The following MKLN1 variants were observed in gnomAD, a reference collection of about 807,000 sequenced individuals.
MKLN1 encodes muskelin 1.
Under a neutral mutation model 99.0 loss-of-function variants are expected in MKLN1, and 18 were observed. The observed-to-expected ratio is 0.18, with a 90% CI of 0.13 to 0.27. The LOEUF is 0.27. Ranked by LOEUF, MKLN1 falls within the 10% of genes least tolerant of loss-of-function variation. The pLI is 1.00. For missense variants in MKLN1, 621 were observed against 875.9 expected (o/e 0.71, Z 3.67); for synonymous variants, 288 against 293.2 (o/e 0.98, Z 0.18).
chr7:131,212,209 C>G (rs1330042339), intron 3 of MKLN1, among the ~76,000 whole-genome samples: 1 of 152,212 alleles, frequency 6.6e-6, no homozygotes, highest in African/African-American at 2.4e-5. Context: ...AACTTCTCAG[C>G]TCTATCCAGG....
chr7:131,180,698 C>CAAAAAAAAA (rs35667474), intron 2 of MKLN1, among the ~76,000 whole-genome samples: 1 of 120,372 alleles, frequency 8.3e-6, no homozygotes. Flanking sequence ...GACTTGGTCT[C>CAAAAAAAAA]AAAAAAAAAA....
At chr7:131,462,951 A>C (rs1428523669) in intron 12 of MKLN1, among the ~76,000 whole-genome samples, 3 of 152,088 alleles carry the variant, frequency 2.0e-5, no homozygotes, top group Non-Finnish European at 4.4e-5. Flanking sequence ...GCAAGACCCC[A>C]TCTCTACAAA....
rs115587721 is a variant in MKLN1, at chr7:131,474,996, A to T, written c.2032-3627A>T. Among the ~76,000 whole-genome samples the T allele has an allele frequency of 6.0e-3, 910 of 152,256 alleles. 8 individuals carry two copies. Among genetic ancestry groups the T allele is most frequent in the African/African-American group, 0.021 (880 of 41,538 alleles). ...ATGCCACACATGTTTAAACCATCAG[A>T]TCTCATGAGAACTCACTATCACAAG... On this transcript the variant is annotated intron_variant, in intron 16 of 17. Transcript: ENST00000352689.
At chr7:131,254,526 C>G (rs1797628732) in intron 3 of MKLN1, among the ~76,000 whole-genome samples, 1 of 151,952 alleles carries the variant, frequency 6.6e-6, no homozygotes, top group South Asian at 2.1e-4. Flanking sequence ...TAAAGGAAAC[C>G]ATGCTTAAAG....
intron 3 of MKLN1, among the ~76,000 whole-genome samples, chr7:131,214,852 T>C (rs1796956765): frequency 6.6e-6 from 1 of 152,244 alleles, no homozygotes; most frequent in Non-Finnish European, 1.5e-5. Flanking sequence ...ATGAATATGG[T>C]ATATGTTTCC....
intron 4 of MKLN1, among the ~76,000 whole-genome samples, chr7:131,394,853 C>G (rs1265916986): frequency 6.6e-6 from 1 of 152,020 alleles, no homozygotes; most frequent in African/African-American, 2.4e-5. Flanking sequence ...TTAAAATTCA[C>G]TGGTCTATCT....
rs1246412831 is a variant in MKLN1 at position 131,170,103 on chromosome 7, G to GGA, written c.-297+27172_-297+27173dup. 2.6e-5 allele frequency among the ~76,000 whole-genome samples: 4 copies of GGA among 152,020 alleles called. No homozygotes were observed. In the East Asian group the frequency reaches 5.8e-4, roughly 22 times the overall value. On this transcript the variant is annotated intron_variant, in intron 2 of 7. Coordinates refer to the MKLN1 transcript ENST00000416992. ...CTATCTTTATGAAAGAAAGAGAGAG[G>GGA]GAGAGAGAGAGCGAGCCATTGTAGC...
intron 6 of MKLN1, among the ~76,000 whole-genome samples, chr7:131,406,326 A>G (rs1338138411): frequency 6.6e-6 from 1 of 151,810 alleles, no homozygotes; most frequent in Non-Finnish European, 1.5e-5. Context: ...AAATCATTTG[A>G]CTTATGATTA....
chr7:131,182,719 T>C (rs1292867274), intron 2 of MKLN1, among the ~76,000 whole-genome samples: 1 of 152,056 alleles, frequency 6.6e-6, no homozygotes, highest in Admixed American at 6.5e-5. Flanking sequence ...TTCCCCATTA[T>C]ACTGCCACAT....
chr7:131,313,027 A>G (rs1476703111), intron 3 of MKLN1, among the ~76,000 whole-genome samples: 1 of 152,208 alleles, frequency 6.6e-6, no homozygotes, highest in Non-Finnish European at 1.5e-5. Flanking sequence ...TTAAGCAAAT[A>G]CCAAAAAATA....
At chr7:131,124,522 A>G (rs1436523682) in intron 1 of MKLN1, among the ~76,000 whole-genome samples, 2 of 152,180 alleles carry the variant, frequency 1.3e-5, no homozygotes, top group Non-Finnish European at 2.9e-5. Context: ...ACGCTGGCTC[A>G]GACTGGAGAA....
chr7:131,190,789 G>C (rs1351835361), intron 2 of MKLN1, among the ~76,000 whole-genome samples: 1 of 152,148 alleles, frequency 6.6e-6, no homozygotes, highest in African/African-American at 2.4e-5. Context: ...GCTTGCCCTG[G>C]AGCGCTGCAG....
At chr7:131,160,238 A>G (rs967483604) in intron 2 of MKLN1, among the ~76,000 whole-genome samples, 2 of 152,110 alleles carry the variant, frequency 1.3e-5, no homozygotes, top group Non-Finnish European at 2.9e-5. Flanking sequence ...TCCATATTGT[A>G]TCAGTCCTTC....
intron 2 of MKLN1, among the ~76,000 whole-genome samples, chr7:131,378,001 C>T (rs1293336732): frequency 1.3e-5 from 2 of 152,030 alleles, no homozygotes; most frequent in Admixed American, 1.3e-4. Flanking sequence ...TCTCAAGGGA[C>T]AACATTTTTG....
chr7:131,197,196 ATTGT>A (rs923499309), intron 2 of MKLN1, among the ~76,000 whole-genome samples: 1 of 151,882 alleles, frequency 6.6e-6, no homozygotes, highest in Non-Finnish European at 1.5e-5. Context: ...CACAGGCTTG[ATTGT>A]TTGATTGATT....
intron 3 of MKLN1, among the ~76,000 whole-genome samples, chr7:131,222,860 C>T (rs75293000): frequency 3.4e-5 from 3 of 88,648 alleles, no homozygotes; most frequent in Non-Finnish European, 7.1e-5. Flanking sequence ...GCTAAAAATA[C>T]AAAAAAAAAA....
intron 1 of MKLN1, among the ~76,000 whole-genome samples, chr7:131,345,496 T>C (rs1799531873): frequency 6.6e-6 from 1 of 152,152 alleles, no homozygotes; most frequent in Non-Finnish European, 1.5e-5. Context: ...CAAGGGAGGA[T>C]CATAGAGTCC....
intron 3 of MKLN1, among the ~76,000 whole-genome samples, chr7:131,318,609 C>T (rs1377557764): frequency 6.6e-6 from 1 of 152,008 alleles, no homozygotes; most frequent in Admixed American, 6.6e-5. Flanking sequence ...AAGATCAAAG[C>T]AGAACTGAAG....
chr7:131,362,842 A>G (rs1198009622), intron 1 of MKLN1, among the ~76,000 whole-genome samples: 1 of 150,438 alleles, frequency 6.6e-6, no homozygotes, highest in Non-Finnish European at 1.5e-5. Context: ...CTTGTTTCTG[A>G]AAAAAAAACT....
Sources: gnomAD v4.1 joint callset for allele counts (sites outside exome capture counted in the v4.1 genomes callset) on GRCh38, gnomAD v4.1.1 for gene constraint, MANE v1.5 for transcripts, NCBI Gene and HGNC (gene_info 2026-07-23, HGNC 2026-07-21) for gene names.